GRAMD1A: variants seen among roughly 807,000 people sequenced by gnomAD.
GRAMD1A encodes GRAM domain containing 1A, also known as protein Aster-A.
A neutral mutation model predicts 92.0 loss-of-function variants in GRAMD1A; 50 were observed. That is an observed-to-expected ratio of 0.54 (90% CI 0.43 to 0.69). The LOEUF (loss-of-function observed/expected upper bound fraction) is 0.69, where lower values mean the gene tolerates loss of function less well. Ranked by LOEUF, GRAMD1A falls within the 30% of genes least tolerant of loss-of-function variation. GRAMD1A has a pLI of 0.00. For missense variants in GRAMD1A, 819 were observed against 978.9 expected (o/e 0.84, Z 2.18); for synonymous variants, 405 against 403.6 (o/e 1.00, Z -0.04).
At position 35,013,120 on chromosome 19, in the gene GRAMD1A, G is replaced by A; in HGVS notation, c.607-136G>A. The A allele has an allele frequency of 1.6e-6, 1 of 610,634 alleles. No homozygotes were observed. The highest frequency in any genetic ancestry group is 1.8e-5 in the South Asian group (1 of 54,972). 37.8% of individuals were successfully genotyped at this position (610,634 alleles called of 1,614,324 possible). A position where few individuals can be genotyped will look rare whatever the true frequency, so the allele number is the denominator to read the frequency against. On this transcript the variant is annotated intron_variant, in intron 7 of 19. Coordinates refer to ENST00000317991, the MANE Select transcript of GRAMD1A (RefSeq NM_020895.5). The surrounding 1 kb of genome is among the most constrained non-coding windows in gnomAD (Gnocchi z 4.9). ...GGGATTCCCCGCTTGCTGAGGCCAGGTCTGGTGCGGGAGATCGTGGCTGCC... is the reference window on the plus strand; with the variant it reads ...GGGATTCCCCGCTTGCTGAGGCCAGATCTGGTGCGGGAGATCGTGGCTGCC...
upstream of GRAMD1A, chr19:34,998,429 G>A (rs1418279546): frequency 6.7e-6 from 1 of 149,420 alleles, no homozygotes; most frequent in Non-Finnish European, 1.5e-5. Flanking sequence ...TCAGCTTCCT[G>A]GGTAGCTGGG....
Position 35,023,525 on chromosome 19 carries a change from C to T in GRAMD1A, c.2060C>T (p.Ala687Val), listed in dbSNP as rs2016229592. The change falls in exon 19 of 20, where the codon GCC becomes GTC. Residue 687 changes from alanine to valine, a missense_variant. This residue lies in a region of GRAMD1A where 577 missense variants were observed against 674.6 expected (regional missense o/e 0.86). Transcript: ENST00000317991. ...CACAAGTGGAGGCAGATCCTGCGGG[C>T]CTCCGTGGAGCTCCTGGATGAGGTA... is the stretch of plus-strand genomic sequence containing the variant. Reference protein sequence around the residue: ...EVHKWRQILRASVELLDEMKF... With the variant: ...EVHKWRQILRVSVELLDEMKF... 2 of 1,579,560 alleles carry T rather than the reference C, an allele frequency of 1.3e-6. No homozygotes were observed. The highest frequency in any genetic ancestry group is 2.0e-5 in the Admixed American group (1 of 50,086).
At chr19:35,009,647 A>T in intron 3 of GRAMD1A, 1 of 655,352 alleles carries the variant, frequency 1.5e-6, no homozygotes, top group Non-Finnish European at 2.7e-6. Flanking sequence ...CTTGAGAAAC[A>T]GCCCCACCTT....
upstream of GRAMD1A, chr19:34,995,868 C>T (rs1383268149): frequency 6.4e-6 from 4 of 627,106 alleles, no homozygotes; most frequent in East Asian, 2.8e-5. Flanking sequence ...CAAGCATGAG[C>T]CACTGCGCCT....
chr19:35,003,530 C>T (rs2014574054), intron 1 of GRAMD1A, among the ~76,000 whole-genome samples: 2 of 152,206 alleles, frequency 1.3e-5, no homozygotes. Flanking sequence ...GGGCGTGGTC[C>T]CTGCCCTGTC....
upstream of GRAMD1A, among the ~76,000 whole-genome samples, chr19:34,995,795 C>G (rs2014012967): frequency 6.6e-6 from 1 of 152,002 alleles, no homozygotes; most frequent in Admixed American, 6.6e-5. Flanking sequence ...GCTGCCCAGA[C>G]TGGTCTCAAA....
At position 35,021,798 on chromosome 19, in the gene GRAMD1A, G is replaced by A. The variant is rs778852122; in HGVS notation, c.1687G>A (p.Ala563Thr). ...GCGGAAGCGGCCCCTGAGCTGGCGG[G>A]CTCACGGGGACGGGCCCCAGCACCC... Reference protein sequence around the residue: ...RRRKRPLSWRAHGDGPQHPDP... With the variant: ...RRRKRPLSWRTHGDGPQHPDP... The change falls in exon 15 of 20, where the codon GCT (alanine) becomes ACT (threonine). Residue 563 changes from alanine (A) to threonine (T), a missense_variant. Transcript: ENST00000317991. The surrounding 1 kb of genome is among the most constrained non-coding windows in gnomAD (Gnocchi z 5.3). 18 of 1,610,804 alleles carry A rather than the reference G, an allele frequency of 1.1e-5. No individual in the cohort carries two copies. Among genetic ancestry groups the A allele is most frequent in the Non-Finnish European group, 1.5e-5 (18 of 1,178,746 alleles).
At chr19:35,014,101 G>C in intron 9 of GRAMD1A, 88 bp from the exon 10 acceptor site, 1 of 1,268,428 alleles carries the variant, frequency 7.9e-7, no homozygotes, top group East Asian at 2.3e-5. Context: ...GTCTGCACAG[G>C]CTCTGGAATC....
intron 16 of GRAMD1A, among the ~76,000 whole-genome samples, chr19:35,022,662 T>A: frequency 2.9e-5 from 3 of 105,042 alleles, no homozygotes; most frequent in Non-Finnish European, 4.1e-5. Context: ...CCTGCAGGAG[T>A]TGGCGGGCAG....
At chr19:35,005,314 C>T (rs145271817) in intron 1 of GRAMD1A, among the ~76,000 whole-genome samples, 1 of 7,436 alleles carries the variant, frequency 1.3e-4, no homozygotes, top group Non-Finnish European at 2.8e-4. Context: ...GATCGGGAGG[C>T]GGGGTAGGGG....
chr19:34,998,337 T>C (rs929006577), upstream of GRAMD1A: 2 of 134,076 alleles, frequency 1.5e-5, no homozygotes, highest in Non-Finnish European at 3.1e-5. Flanking sequence ...GGAGTCTTGC[T>C]CTGTTGTCCA....
At chr19:34,999,709 G>GT (rs2014207996), upstream of GRAMD1A, among the ~76,000 whole-genome samples, 2 of 152,230 alleles carry the variant, frequency 1.3e-5, no homozygotes, top group African/African-American at 4.8e-5. Flanking sequence ...TCCCAGCACT[G>GT]GGGTGATGAG....
chr19:35,019,344 G>C, intron 12 of GRAMD1A, 35 bp downstream of exon 12: 1 of 1,612,936 alleles, frequency 6.2e-7, no homozygotes, highest in Non-Finnish European at 8.5e-7. Flanking sequence ...GGGTGGGGCA[G>C]CTGGGTGAGT....
upstream of GRAMD1A, chr19:34,996,114 A>C (rs1230478834): frequency 6.5e-7 from 1 of 1,535,824 alleles, no homozygotes; most frequent in African/African-American, 1.4e-5. Context: ...GGGCAGCGGA[A>C]GCAGCAGCCA....
At chr19:35,005,905 C>T (rs1487217939) in intron 1 of GRAMD1A, 1 of 456,248 alleles carries the variant, frequency 2.2e-6, no homozygotes, top group Admixed American at 2.3e-5. Flanking sequence ...TCTGGACAGA[C>T]AGAATGGCAT....
intron 10 of GRAMD1A, 30 bp from the exon 11 acceptor site, chr19:35,015,794 T>C: frequency 6.2e-7 from 1 of 1,605,276 alleles, no homozygotes; most frequent in Non-Finnish European, 8.5e-7. Flanking sequence ...GTGGAGGCAG[T>C]CATCATCCTC....
At position 35,021,588 on chromosome 19, in the gene GRAMD1A, A is replaced by G; in HGVS notation, c.1562A>G (p.Asp521Gly). The change falls in exon 14 of 20, where the codon GAC becomes GGC. Residue 521 changes from aspartate to glycine, a missense_variant. This residue lies in a region of GRAMD1A where 577 missense variants were observed against 674.6 expected (regional missense o/e 0.86). Coordinates refer to ENST00000317991, the MANE Select transcript of GRAMD1A (RefSeq NM_020895.5). The surrounding 1 kb of genome is among the most constrained non-coding windows in gnomAD (Gnocchi z 5.3). ...AAGAACTCGTGGAGCGGCATTGAAGACTATTTCCACCATCTGGGTAGGGAC... is the reference window on the plus strand; with the variant it reads ...AAGAACTCGTGGAGCGGCATTGAAGGCTATTTCCACCATCTGGGTAGGGAC... ...IEKNSWSGIE[D>G]YFHHLERELA... 1.9e-6 allele frequency: 3 copies of G among 1,613,980 alleles called. No homozygotes were observed. The highest frequency in any genetic ancestry group is 2.5e-6 in the Non-Finnish European group (3 of 1,179,852).
rs1329684439 is a variant in GRAMD1A, at chr19:35,000,441, C to CTGCCG, written c.-34_-33insGTGCC. The CTGCCG allele has an allele frequency of 8.0e-7, 1 of 1,245,732 alleles. No homozygotes were observed. Among genetic ancestry groups the CTGCCG allele is most frequent in the Non-Finnish European group, 1.0e-6 (1 of 991,610 alleles). The allele number at this position is 1,245,732 out of a possible 1,614,324, so 77.2% of individuals were successfully genotyped here. On this transcript the variant is annotated 5_prime_UTR_variant, in exon 1 of 20. Transcript: ENST00000317991. The surrounding 1 kb of genome is among the most constrained non-coding windows in gnomAD (Gnocchi z 4.9). The stretch of plus-strand genomic sequence containing the variant: ...CAGCCCAGCCCTGCCCTGCCCTGCC[C>CTGCCG]TGCCCTGCGCCCGGGGCGCGCCCAC...
chr19:35,003,061 GGT>G (rs58809497), intron 1 of GRAMD1A, among the ~76,000 whole-genome samples: 1,477 of 142,064 alleles, frequency 0.01, 20 homozygotes, highest in African/African-American at 0.028. Context: ...CAATGCTGCA[GGT>G]GTGTGTGTGT....
Sources: allele counts gnomAD v4.1 joint callset (sites outside exome capture counted in the v4.1 genomes callset), GRCh38; gene constraint gnomAD v4.1.1; regional missense constraint gnomAD v4.1.1; non-coding constraint Gnocchi (gnomAD v3.1); transcripts MANE v1.5; gene names NCBI Gene and HGNC (gene_info 2026-07-23, HGNC 2026-07-21).